The following ABCA1 variants were observed in gnomAD, a reference collection of about 807,000 sequenced individuals.
ABCA1 encodes ATP binding cassette subfamily A member 1, also known as phospholipid-transporting ATPase ABCA1.
A neutral mutation model predicts 262.5 loss-of-function variants in ABCA1; 133 were observed. The observed-to-expected ratio is 0.51, with a 90% CI of 0.44 to 0.59. The LOEUF (loss-of-function observed/expected upper bound fraction) is 0.59, where lower values mean the gene tolerates loss of function less well. ABCA1 is among the 20% of genes least tolerant of loss of function. ABCA1 has a pLI of 0.00. For synonymous variants in ABCA1, 1,022 were observed against 1,043.5 expected, an observed-to-expected ratio of 0.98 and a Z score of 0.40; for missense variants, 2,452 against 2,777.5, an observed-to-expected ratio of 0.88 and a Z score of 2.63.
rs147920726 is a variant in ABCA1 at position 104,809,522 on chromosome 9, G to C, written c.4218C>G (p.Asn1406Lys). The C allele has an allele frequency of 1.4e-5, 22 of 1,614,214 alleles. No individual in the cohort carries two copies. In the African/African-American group the frequency reaches 2.5e-4, roughly 19 times the overall value. Residue 1406 changes from asparagine to lysine, a missense_variant, in exon 30 of 50, where the codon AAC (asparagine) becomes AAG (lysine). By Grantham distance (94) the Asn-to-Lys change is moderately conservative. Around this residue, in one of 4 missense-constraint regions of ABCA1, gnomAD observed 665 missense variants for 727.3 expected, o/e 0.91. Coordinates refer to ENST00000374736, the MANE Select transcript of ABCA1 (RefSeq NM_005502.4). ...CGAAGCCAGGGTCTTTGGTGAGGGC[G>C]TTTAAGAGTTCCAGGGTTCCCGTGT... The part of the protein sequence containing the change: ...PEDTGTLELL[N>K]ALTKDPGFGT...
At chr9:104,860,402 G>C (rs1242460495) in intron 6 of ABCA1, among the ~76,000 whole-genome samples, 3 of 152,036 alleles carry the variant, frequency 2.0e-5, no homozygotes, top group African/African-American at 7.2e-5. Context: ...GTAAACACAA[G>C]GCATATTTTC....
intron 8 of ABCA1, among the ~76,000 whole-genome samples, chr9:104,844,948 G>A (rs946131144): frequency 6.6e-5 from 10 of 152,172 alleles, no homozygotes; most frequent in Admixed American, 2.0e-4. Context: ...GTCAACATGT[G>A]GACCTAAAAG....
In ABCA1 at chr9:104,797,994, A is replaced by C. The variant is rs918253443; in HGVS notation, c.5121+427T>G. Among the ~76,000 whole-genome samples the C allele has an allele frequency of 5.9e-5, 9 of 152,240 alleles. No homozygotes were observed. In the South Asian group the frequency reaches 6.2e-4, roughly 10 times the overall value. On this transcript the variant is annotated intron_variant, in intron 37 of 49. Transcript: ENST00000374736. Reference sequence around the variant, plus strand: ...GTGGCTGGCACAAAAACATATTTGCAATGGATGGATAAGCTGCTGATAAAA... The same window carrying C: ...GTGGCTGGCACAAAAACATATTTGCCATGGATGGATAAGCTGCTGATAAAA...
intron 7 of ABCA1, chr9:104,855,573 C>T (rs1402839849): frequency 5.2e-6 from 6 of 1,158,912 alleles, no homozygotes; most frequent in Non-Finnish European, 4.6e-6. Flanking sequence ...ATTAAATTAT[C>T]AACTTCTATT....
At chr9:104,813,640 T>G (rs2118941188) in intron 27 of ABCA1, among the ~76,000 whole-genome samples, 1 of 152,312 alleles carries the variant, frequency 6.6e-6, no homozygotes, top group East Asian at 1.9e-4. Flanking sequence ...CTCAAACTCC[T>G]GACCTCAGGT....
At chr9:104,878,020 A>C (rs1469797713) in intron 5 of ABCA1, among the ~76,000 whole-genome samples, 2 of 152,214 alleles carry the variant, frequency 1.3e-5, no homozygotes, top group Non-Finnish European at 1.5e-5. Context: ...AAAAGTTCTC[A>C]TCCACGTACT....
At chr9:104,799,432 A>ACG (rs2118888436) in intron 36 of ABCA1, 1 of 981,236 alleles carries the variant, frequency 1.0e-6, no homozygotes, top group South Asian at 4.7e-5. Context: ...ACACACACAC[A>ACG]CACAGCTTAA....
At position 104,837,157 on chromosome 9, in the gene ABCA1, G is replaced by GC. The variant is rs4149346; in HGVS notation, c.1195-62_1195-61insG. 0.38 allele frequency: 527,749 copies of GC among 1,386,216 alleles called. 110,215 individuals carry two copies. Among genetic ancestry groups the GC allele is most frequent in the East Asian group, 0.8 (35,049 of 43,632 alleles). The allele number at this position is 1,386,216 out of a possible 1,614,324, so 85.9% of individuals were successfully genotyped here. A position where few individuals can be genotyped will look rare whatever the true frequency, so the allele number is the denominator to read the frequency against. Reference sequence around the variant, plus strand: ...AGGAGGAGAAGCACAGACAATGAGCGTTTGGCTCCTCCCTGAAAAGATACC... The same window carrying GC: ...AGGAGGAGAAGCACAGACAATGAGCGCTTTGGCTCCTCCCTGAAAAGATACC... On this transcript the variant is annotated intron_variant, in intron 10 of 49. Transcript: ENST00000374736.
chr9:104,859,825 C>T lies in ABCA1; in HGVS notation c.544-1127G>A, dbSNP rs540053762. Among the ~76,000 whole-genome samples, 20 of 152,134 alleles carry T rather than the reference C, an allele frequency of 1.3e-4. No homozygotes were observed. The South Asian group carries it at 1.9e-3, about 14-fold the overall frequency. Reference sequence around the variant, plus strand: ...CAACACTTTGGGAGGCCAAGGCAGACGGATCACCTGAGGTCAGGAGTTCAA... The same window carrying T: ...CAACACTTTGGGAGGCCAAGGCAGATGGATCACCTGAGGTCAGGAGTTCAA... On this transcript the variant is annotated intron_variant, in intron 6 of 49. Transcript: ENST00000374736.
intron 31 of ABCA1, 28 bp from the exon 32 acceptor site, chr9:104,804,748 G>C: frequency 6.4e-7 from 1 of 1,563,180 alleles, no homozygotes; most frequent in Non-Finnish European, 8.8e-7. Context: ...CCAAGCATAC[G>C]GGTCTTTATA....
chr9:104,855,742 T>C (rs1242320314), intron 7 of ABCA1: 1 of 1,547,574 alleles, frequency 6.5e-7, no homozygotes, highest in African/African-American at 1.4e-5. Context: ...GCTGGTAAAA[T>C]ATTCAAATGC....
In ABCA1 at chr9:104,817,351, C is replaced by G. The variant is rs33918808; in HGVS notation, c.3516G>C (p.Glu1172Asp). ...SSDAGLGSDH[E>D]SDTLTIDVSA... is the part of the protein sequence containing the mutation. Reference sequence around the variant, plus strand: ...CCTTACCGATGGTCAGCGTGTCACTCTCATGGTCGCTGCCCAGGCCAGCAT... The same window carrying G: ...CCTTACCGATGGTCAGCGTGTCACTGTCATGGTCGCTGCCCAGGCCAGCAT... Residue 1172 changes from glutamate to aspartate, a missense_variant, in exon 24 of 50, where the codon GAG becomes GAC. Glu to Asp is a conservative substitution (Grantham distance 45). Coordinates refer to ENST00000374736, the MANE Select transcript of ABCA1 (RefSeq NM_005502.4). The surrounding 1 kb of genome is among the most constrained non-coding windows in gnomAD (Gnocchi z 4.7). 0.036 allele frequency: 57,634 copies of G among 1,614,132 alleles called. 1,919 individuals are homozygous for G. Among genetic ancestry groups the G allele is most frequent in the African/African-American group, 0.17 (13,120 of 74,996 alleles).
intron 5 of ABCA1, among the ~76,000 whole-genome samples, chr9:104,866,686 T>A (rs982418754): frequency 1.3e-5 from 2 of 152,074 alleles, no homozygotes; most frequent in African/African-American, 4.8e-5. Flanking sequence ...TGGGGTTTCA[T>A]CATGTTGGCC....
intron 1 of ABCA1, among the ~76,000 whole-genome samples, chr9:104,926,505 C>T (rs1564312435): frequency 6.6e-6 from 1 of 151,584 alleles, no homozygotes; most frequent in South Asian, 2.1e-4. Flanking sequence ...TTCGCCTCAA[C>T]CTCATAGTTC....
In ABCA1 at chr9:104,814,457, C is replaced by G; in HGVS notation, c.3757G>C (p.Glu1253Gln). ...TLEEIFLKVA[E>Q]ESGVDAETSD... ...GTCTCAGCATCCACCCCACTCTCTT[C>G]GGCCACCTTGAGGAATATCTGGAAA... The change falls in exon 26 of 50, where the codon GAA becomes CAA. Residue 1253 changes from glutamate (E) to glutamine (Q), a missense_variant. Around this residue, in one of 4 missense-constraint regions of ABCA1, gnomAD observed 665 missense variants for 727.3 expected, o/e 0.91. Coordinates refer to ENST00000374736, the MANE Select transcript of ABCA1 (RefSeq NM_005502.4). 1 of 1,614,158 alleles carries G rather than the reference C, an allele frequency of 6.2e-7. No homozygotes were observed. Among genetic ancestry groups the G allele is most frequent in the Non-Finnish European group, 8.5e-7 (1 of 1,180,012 alleles).
chr9:104,812,154 T>G (rs554235413), intron 28 of ABCA1, among the ~76,000 whole-genome samples: 207 of 152,296 alleles, frequency 1.4e-3, no homozygotes, highest in Non-Finnish European at 2.4e-3. Flanking sequence ...AATTCACATG[T>G]CAAGTGCATC....
chr9:104,854,775 C>A (rs1835690835), intron 7 of ABCA1, among the ~76,000 whole-genome samples: 1 of 152,238 alleles, frequency 6.6e-6, no homozygotes, highest in South Asian at 2.1e-4. Flanking sequence ...AATGAGCGCA[C>A]TCCATAACAA....
intron 30 of ABCA1, among the ~76,000 whole-genome samples, chr9:104,808,718 C>T (rs1239208598): frequency 6.6e-6 from 1 of 152,104 alleles, no homozygotes; most frequent in African/African-American, 2.4e-5. Flanking sequence ...GTCAAGTTTG[C>T]CCCCTCTCCA....
In ABCA1 at chr9:104,801,796, G is replaced by A. The variant is rs2740477; in HGVS notation, c.4698+258C>T. Among the ~76,000 whole-genome samples the A allele has an allele frequency of 0.65, 99,386 of 152,052 alleles. 35,387 individuals are homozygous for A. The highest frequency in any genetic ancestry group is 0.78 in the Non-Finnish European group (53,058 of 67,998). The stretch of plus-strand genomic sequence containing the variant: ...TGACCTCAAGTGATCCACCCGCTTC[G>A]GCCTCCCAAAGTGCTAGGATTACAG... On this transcript the variant is annotated intron_variant, in intron 34 of 49. Transcript: ENST00000374736.
Sources: gnomAD v4.1 joint callset for allele counts (sites outside exome capture counted in the v4.1 genomes callset) on GRCh38, gnomAD v4.1.1 for gene constraint, gnomAD v4.1.1 regional missense constraint, Gnocchi (gnomAD v3.1) non-coding constraint, MANE v1.5 for transcripts, NCBI Gene and HGNC (gene_info 2026-07-23, HGNC 2026-07-21) for gene names.